Variants in FAM53A observed in about 807,000 individuals in gnomAD.
FAM53A encodes family with sequence similarity 53 member A, also known as protein FAM53A.
FAM53A carries 28 observed loss-of-function variants against 26.6 expected under a neutral mutation model. That is an observed-to-expected ratio of 1.05 (90% confidence interval 0.78 to 1.45). The LOEUF (loss-of-function observed/expected upper bound fraction) is 1.45. Among genes scored for constraint, FAM53A ranks in the 40% most tolerant of loss-of-function variants. FAM53A has a pLI of 0.00. For synonymous variants in FAM53A, 290 were observed against 253.1 expected (o/e 1.15, Z -1.38); for missense variants, 650 against 575.8 (o/e 1.13, Z -1.32).
chr4:1,622,788 C>A (rs1379526174), intron 1 of FAM53A, among the ~76,000 whole-genome samples: 1 of 152,334 alleles, frequency 6.6e-6, no homozygotes, highest in East Asian at 1.9e-4. Flanking sequence ...CATTTCCAAG[C>A]CCTCCAAAGG....
rs1715278180 is a variant in FAM53A, at chr4:1,679,677, A to T, written c.-165+4556T>A. Among the ~76,000 whole-genome samples the T allele has an allele frequency of 2.2e-5, 3 of 138,998 alleles. 1 individual carries two copies. Among genetic ancestry groups the T allele is most frequent in the Middle Eastern group, 6.7e-3 (2 of 300 alleles). The allele number at this position is 138,998 out of a possible 152,430, so 91.2% of individuals were successfully genotyped here. A position where few individuals can be genotyped will look rare whatever the true frequency, so the allele number is the denominator to read the frequency against. ...CTCCAGGCTAGGCAACAAGAGGGAA[A>T]CTCCATTAAAAAAAAAAAAAAAAAA... On this transcript the variant is annotated intron_variant, in intron 1 of 4. Transcript: ENST00000308132.
the FAM53A span, among the ~76,000 whole-genome samples, chr4:1,608,819 G>A: frequency 9.2e-5 from 14 of 152,270 alleles, no homozygotes; most frequent in African/African-American, 3.4e-4. Context: ...CTGTGAAGCT[G>A]ATTAATAATT....
the FAM53A span, among the ~76,000 whole-genome samples, chr4:1,593,134 G>A: frequency 6.6e-6 from 1 of 152,298 alleles, no homozygotes; most frequent in South Asian, 2.1e-4. Flanking sequence ...AGCCGGTGGC[G>A]GCCAGAGAGG....
chr4:1,585,753 G>A, the FAM53A span, among the ~76,000 whole-genome samples: 1 of 152,144 alleles, frequency 6.6e-6, no homozygotes, highest in Non-Finnish European at 1.5e-5. Flanking sequence ...CTGAGACAGG[G>A]TCTCACTCTG....
chr4:1,626,191 C>G (rs573290233), intron 1 of FAM53A, among the ~76,000 whole-genome samples: 15 of 152,310 alleles, frequency 9.8e-5, no homozygotes, highest in African/African-American at 3.6e-4. Context: ...CAGAGCAAGC[C>G]AGGGGCGGTT....
At position 1,655,564 on chromosome 4, in the gene FAM53A, G is replaced by A. The variant is rs1156908465; in HGVS notation, c.296C>T (p.Ala99Val). Residue 99 changes from alanine (A) to valine (V), a missense_variant, in exon 4 of 5, where the codon GCA becomes GTA. Coordinates refer to ENST00000308132, the MANE Select transcript of FAM53A (RefSeq NM_001174070.3). ...TTCACTGGGGTCCACGGTGCTGGCT[G>A]CACCCAGGCCTGCGCCTGGGCGCGG... Reference protein sequence around the residue: ...QSPRPGAGLGAASTVDPSEST... With the variant: ...QSPRPGAGLGVASTVDPSEST... The A allele has an allele frequency of 6.3e-7, 1 of 1,576,226 alleles. No homozygotes were observed.
Position 1,645,693 on chromosome 4 carries a change from T to A in FAM53A, c.883-4086A>T, listed in dbSNP as rs756861426. On this transcript the variant is annotated intron_variant, in intron 4 of 4. Coordinates refer to ENST00000308132, the MANE Select transcript of FAM53A (RefSeq NM_001174070.3). ...AGTGAGTGCCCAGCAGTGCGCCCCC[T>A]GCCCAGCACTCGCTTCTGCCACCTC... Among the ~76,000 whole-genome samples, 87 of 152,216 alleles carry A rather than the reference T, an allele frequency of 5.7e-4. 1 individual carries two copies. The highest frequency in any genetic ancestry group is 1.7e-3 in the South Asian group (8 of 4,830).
chr4:1,646,738 T>C (rs1232612424), intron 4 of FAM53A, among the ~76,000 whole-genome samples: 1 of 152,210 alleles, frequency 6.6e-6, no homozygotes, highest in African/African-American at 2.4e-5. Context: ...GCCCATGATG[T>C]AACTGCTGGC....
intron 4 of FAM53A, among the ~76,000 whole-genome samples, chr4:1,653,007 CAT>C (rs1025619604): frequency 2.0e-5 from 3 of 150,482 alleles, no homozygotes; most frequent in Admixed American, 6.6e-5. Context: ...CCCACACACA[CAT>C]CACACACCAC....
chr4:1,644,349 C>T (rs979919807), intron 4 of FAM53A: 108 of 1,535,522 alleles, frequency 7.0e-5, no homozygotes, highest in Admixed American at 9.8e-5. Context: ...GCGGCTAGAG[C>T]GTGAAAACAG....
chr4:1,645,674 T>G (rs1712177668), intron 4 of FAM53A, among the ~76,000 whole-genome samples: 1 of 152,112 alleles, frequency 6.6e-6, no homozygotes, highest in South Asian at 2.1e-4. Flanking sequence ...ATGGAGTGAG[T>G]GCCCAGCAGT....
At chr4:1,680,018 G>A (rs1251098293) in intron 1 of FAM53A, among the ~76,000 whole-genome samples, 4 of 83,118 alleles carry the variant, frequency 4.8e-5, no homozygotes, top group African/African-American at 8.7e-5. Flanking sequence ...GCAAGACTCC[G>A]TCTCAGAAAA....
At chr4:1,645,191 C>G (rs1023974898) in intron 4 of FAM53A, among the ~76,000 whole-genome samples, 1 of 139,660 alleles carries the variant, frequency 7.2e-6, no homozygotes, top group African/African-American at 2.6e-5. Flanking sequence ...TCCCTCCTGC[C>G]ACAGGGAGGC....
the FAM53A span, among the ~76,000 whole-genome samples, chr4:1,611,656 T>C: frequency 6.6e-6 from 1 of 152,202 alleles, no homozygotes; most frequent in Non-Finnish European, 1.5e-5. Context: ...CAGAGGCGCC[T>C]CCGTGGGGGC....
the FAM53A span, among the ~76,000 whole-genome samples, chr4:1,610,352 C>T: frequency 2.0e-5 from 3 of 152,180 alleles, no homozygotes; most frequent in Non-Finnish European, 4.4e-5. Context: ...CTCAGGACAC[C>T]GCCCGTGCAG....
chr4:1,676,537 C>A (rs1304171953), intron 1 of FAM53A, among the ~76,000 whole-genome samples: 1 of 152,184 alleles, frequency 6.6e-6, no homozygotes, highest in Non-Finnish European at 1.5e-5. Context: ...CGGCGACACA[C>A]ACAGGGTGCT....
At chr4:1,673,782 G>A (rs984978204) in intron 1 of FAM53A, among the ~76,000 whole-genome samples, 5 of 152,366 alleles carry the variant, frequency 3.3e-5, no homozygotes, top group Admixed American at 2.6e-4. Context: ...CAGGGCAAGT[G>A]TCCAGCAGCG....
the FAM53A span, among the ~76,000 whole-genome samples, chr4:1,596,412 T>C: frequency 0.79 from 108,313 of 137,488 alleles, 42,017 homozygotes; most frequent in African/African-American, 0.83. Context: ...CCACCCACCT[T>C]CCCCAAAGGT....
chr4:1,625,082 T>G, intron 1 of FAM53A, among the ~76,000 whole-genome samples: 2 of 92,938 alleles, frequency 2.2e-5, no homozygotes, highest in African/African-American at 4.9e-5. Flanking sequence ...GTGGTCAGGG[T>G]CACGCCAGGT....
Sources: gnomAD v4.1 joint callset for allele counts (sites outside exome capture counted in the v4.1 genomes callset) on GRCh38, gnomAD v4.1.1 for gene constraint, MANE v1.5 for transcripts, NCBI Gene and HGNC (gene_info 2026-07-23, HGNC 2026-07-21) for gene names.